The following TNRC6B variants were observed in gnomAD, a reference collection of about 807,000 sequenced individuals.
TNRC6B encodes trinucleotide repeat containing adaptor 6B, also known as trinucleotide repeat-containing gene 6B protein.
TNRC6B carries 52 observed loss-of-function variants against 203.6 expected under a neutral mutation model. The ratio of observed to expected loss-of-function variants is 0.26; its 90% CI spans 0.20 to 0.32. The LOEUF (loss-of-function observed/expected upper bound fraction) is 0.32, where lower values mean the gene tolerates loss of function less well. Ranked by LOEUF, TNRC6B falls within the 10% of genes least tolerant of loss-of-function variation. The pLI is 1.00. For missense variants in TNRC6B, 1,923 were observed against 2,286.2 expected (o/e 0.84, Z 3.24); for synonymous variants, 838 against 845.7 (o/e 0.99, Z 0.16).
At chr22:40,263,859 T>G (rs147733148) in intron 4 of TNRC6B, among the ~76,000 whole-genome samples, 21 of 152,326 alleles carry the variant, frequency 1.4e-4, no homozygotes, top group Non-Finnish European at 2.9e-4. Flanking sequence ...CTCCGCAGCA[T>G]TGTGCTGGCT....
intron 1 of TNRC6B, among the ~76,000 whole-genome samples, chr22:40,208,115 AAAAAAAAAAAAAAAAAAC>A (rs2146417102): frequency 7.6e-6 from 1 of 131,326 alleles, no homozygotes; most frequent in East Asian, 2.5e-4. Context: ...CCATCTCAAA[AAAAAAAAAAAAAAAAAAC>A]AAAAAAACAA....
intron 13 of TNRC6B, 22 bp downstream of exon 13, chr22:40,300,608 TG>T (rs747860524): frequency 6.3e-7 from 1 of 1,587,160 alleles, no homozygotes; most frequent in African/African-American, 1.4e-5. Flanking sequence ...ATTTTCTTCC[TG>T]TGGCTAAAAA....
chr22:40,301,397 T>A (rs2071021473), intron 15 of TNRC6B, 64 bp downstream of exon 15: 5 of 1,519,926 alleles, frequency 3.3e-6, no homozygotes, highest in Non-Finnish European at 4.5e-6. Context: ...GTGGTAGGGG[T>A]TGCACCTGCA....
intron 12 of TNRC6B, among the ~76,000 whole-genome samples, chr22:40,290,158 C>T (rs2070850492): frequency 6.6e-6 from 1 of 152,322 alleles, no homozygotes; most frequent in Admixed American, 6.5e-5. Context: ...ACCGCACTGT[C>T]CAGTGTGATA....
At chr22:40,274,494 C>T (rs971656587) in intron 7 of TNRC6B, among the ~76,000 whole-genome samples, 2 of 151,050 alleles carry the variant, frequency 1.3e-5, no homozygotes, top group Non-Finnish European at 2.9e-5. Flanking sequence ...AGTCTCAGCT[C>T]ACTGCAAGCT....
At chr22:40,262,901 A>G (rs1325363936) in intron 4 of TNRC6B, among the ~76,000 whole-genome samples, 1 of 152,006 alleles carries the variant, frequency 6.6e-6, no homozygotes, top group Non-Finnish European at 1.5e-5. Context: ...TTAGCCAGGC[A>G]TGGTGGCGGG....
intron 12 of TNRC6B, among the ~76,000 whole-genome samples, chr22:40,294,207 C>G (rs927295657): frequency 3.9e-5 from 6 of 151,992 alleles, no homozygotes; most frequent in African/African-American, 1.5e-4. Context: ...GAGCCATGAT[C>G]GTGCCACTGC....
chr22:40,275,135 T>G (rs1284643227), intron 7 of TNRC6B, among the ~76,000 whole-genome samples: 2 of 152,248 alleles, frequency 1.3e-5, no homozygotes, highest in Non-Finnish European at 2.9e-5. Context: ...GAATACAGTC[T>G]GTTTCTGTTT....
At chr22:40,090,894 CTG>C (rs1439250019) in intron 1 of TNRC6B, among the ~76,000 whole-genome samples, 7 of 152,202 alleles carry the variant, frequency 4.6e-5, no homozygotes, top group Admixed American at 6.5e-5. Context: ...TCATAAAAGA[CTG>C]TGATCAGGAT....
chr22:40,253,519 A>C (rs1368923468), intron 3 of TNRC6B: 1 of 437,230 alleles, frequency 2.3e-6, no homozygotes, highest in Non-Finnish European at 4.5e-6. Flanking sequence ...TTTTTTTTCC[A>C]ATTGGGGGCT....
At chr22:40,140,657 T>A (rs2068636760) in intron 3 of TNRC6B, among the ~76,000 whole-genome samples, 1 of 152,166 alleles carries the variant, frequency 6.6e-6, no homozygotes, top group Admixed American at 6.5e-5. Context: ...ATTCCTTTTT[T>A]TTTGAGATGG....
chr22:40,320,166 G>A (rs1351811005), intron 21 of TNRC6B, among the ~76,000 whole-genome samples: 3 of 152,100 alleles, frequency 2.0e-5, no homozygotes, highest in Non-Finnish European at 4.4e-5. Flanking sequence ...TGAAATGGTG[G>A]ACTGATCTTA....
intron 1 of TNRC6B, among the ~76,000 whole-genome samples, chr22:40,221,759 C>G (rs1010368632): frequency 2.4e-5 from 3 of 123,738 alleles, no homozygotes; most frequent in South Asian, 5.8e-4. Flanking sequence ...TTGCCCCCCC[C>G]CCTTTTTTTT....
Position 40,266,863 on chromosome 22 carries a change from C to T in TNRC6B, c.2633C>T (p.Pro878Leu). 1.2e-6 allele frequency: 2 copies of T among 1,614,004 alleles called. No individual in the cohort carries two copies. The highest frequency in any genetic ancestry group is 1.7e-6 in the Non-Finnish European group (2 of 1,179,886). The change falls in exon 5 of 23, where the codon CCA (proline) becomes CTA (leucine). Residue 878 changes from proline (P) to leucine (L), a missense_variant. This residue lies in a region of TNRC6B where 599 missense variants were observed against 656.5 expected (regional missense o/e 0.91). Coordinates refer to ENST00000454349, the MANE Select transcript of TNRC6B (RefSeq NM_001162501.2). Reference sequence around the variant, plus strand: ...GAGGAACCCAGTGGTTGGGAAGAGCCATCCCCACAGTCAATTAGTCGGAAA... The same window carrying T: ...GAGGAACCCAGTGGTTGGGAAGAGCTATCCCCACAGTCAATTAGTCGGAAA... ...KDEEPSGWEEPSPQSISRKMD... is the reference protein window; with the variant it reads ...KDEEPSGWEELSPQSISRKMD...
chr22:40,332,486 AC>A lies in TNRC6B; in HGVS notation c.*9246del, dbSNP rs1198939880. 6.6e-6 allele frequency: 1 copy of A among 152,584 alleles called. No individual in the cohort carries two copies. The highest frequency in any genetic ancestry group is 1.5e-5 in the Non-Finnish European group (1 of 68,038). The allele number at this position is 152,584 out of a possible 1,614,324, so 9.5% of individuals were successfully genotyped here. ...CTGGTCTAGGCATTATTTGCAACACACAGTATCGTAAGCGAGAGATTGTTCT... is the reference window on the plus strand; with the variant it reads ...CTGGTCTAGGCATTATTTGCAACACAAGTATCGTAAGCGAGAGATTGTTCT... On this transcript the variant is annotated 3_prime_UTR_variant, in exon 23 of 23. Coordinates refer to ENST00000454349, the MANE Select transcript of TNRC6B (RefSeq NM_001162501.2).
rs1191682409 is a variant in TNRC6B, at chr22:40,330,351, A to G, written c.*7110A>G. On this transcript the variant is annotated 3_prime_UTR_variant, in exon 23 of 23. Transcript: ENST00000454349. ...ATCTGGCGTTCCTTCCCCTTCGGCT[A>G]CTGAAAGGTGTGTACAACTCCCAGA... 1 of 152,184 alleles carries G rather than the reference A, an allele frequency of 6.6e-6. No individual in the cohort carries two copies. The highest frequency in any genetic ancestry group is 1.5e-5 in the Non-Finnish European group (1 of 68,038). The allele number at this position is 152,184 out of a possible 1,614,324, so 9.4% of individuals were successfully genotyped here.
At chr22:40,295,822 G>A (rs1456906202) in intron 12 of TNRC6B, among the ~76,000 whole-genome samples, 3 of 152,172 alleles carry the variant, frequency 2.0e-5, no homozygotes, top group South Asian at 4.1e-4. Context: ...GACTAGTTGT[G>A]TAATGCCCAG....
At chr22:40,170,872 CAT>C (rs1836832241) in intron 4 of TNRC6B, among the ~76,000 whole-genome samples, 1 of 124,556 alleles carries the variant, frequency 8.0e-6, no homozygotes, top group Admixed American at 8.6e-5. Context: ...CATATATGTA[CAT>C]ATATGTGTGT....
At chr22:40,309,132 T>A (rs958409797) in intron 16 of TNRC6B, among the ~76,000 whole-genome samples, 1 of 152,272 alleles carries the variant, frequency 6.6e-6, no homozygotes, top group Non-Finnish European at 1.5e-5. Flanking sequence ...TTAGAGTGTC[T>A]GCAAGACAGC....
Sources: allele counts gnomAD v4.1 joint callset (sites outside exome capture counted in the v4.1 genomes callset), GRCh38; gene constraint gnomAD v4.1.1; regional missense constraint gnomAD v4.1.1; transcripts MANE v1.5; gene names NCBI Gene and HGNC (gene_info 2026-07-23, HGNC 2026-07-21).